COA8: variants seen among roughly 807,000 people sequenced by gnomAD.
COA8 encodes the protein cytochrome c oxidase assembly factor 8.
A neutral mutation model predicts 22.0 loss-of-function variants in COA8; 20 were observed. The ratio of observed to expected loss-of-function variants is 0.91; its 90% CI spans 0.64 to 1.32. The LOEUF (loss-of-function observed/expected upper bound fraction) is 1.32, where lower values mean the gene tolerates loss of function less well. COA8 is among the 40% of genes most tolerant of loss of function. COA8 has a pLI of 0.00. For missense variants in COA8, 266 were observed against 230.0 expected (o/e 1.16, Z -1.01); for synonymous variants, 105 against 79.9 (o/e 1.31, Z -1.68).
At chr14:103,566,726 C>T (rs749671324) in intron 1 of COA8, among the ~76,000 whole-genome samples, 3 of 152,172 alleles carry the variant, frequency 2.0e-5, no homozygotes, top group Non-Finnish European at 2.9e-5. Flanking sequence ...CAGGGGCAGG[C>T]AGGTTGATGC....
intron 3 of COA8, 130 bp downstream of exon 3, chr14:103,574,300 T>C (rs772559167): frequency 7.3e-6 from 9 of 1,229,648 alleles, no homozygotes; most frequent in Admixed American, 3.4e-5. Context: ...GGGGCAGTGC[T>C]CGGCACACCC....
rs10138244 is a variant in COA8, at chr14:103,590,408, C to T, written c.*122C>T. ...AAGCCCCACATCTTCCTAAGGGGCC[C>T]CATGGCCTGTTTGGGGGCAGGGTAG... is the stretch of plus-strand genomic sequence containing the variant. On this transcript the variant is annotated 3_prime_UTR_variant, in exon 5 of 5. Transcript: ENST00000409074. The T allele has an allele frequency of 3.2e-3, 3,003 of 945,590 alleles. 53 individuals carry two copies. In the African/African-American group the frequency reaches 0.04, roughly 12 times the overall value. The allele number at this position is 945,590 out of a possible 1,614,324, so 58.6% of individuals were successfully genotyped here.
chr14:103,565,835 G>C (rs1197429895), intron 1 of COA8, among the ~76,000 whole-genome samples: 1 of 151,738 alleles, frequency 6.6e-6, no homozygotes, highest in Non-Finnish European at 1.5e-5. Flanking sequence ...GGGTGGTCTT[G>C]AACTCCTGAC....
Position 103,590,377 on chromosome 14 carries a change from C to T in COA8, c.*91C>T. The T allele has an allele frequency of 8.0e-7, 1 of 1,248,644 alleles. No individual in the cohort carries two copies. The highest frequency in any genetic ancestry group is 1.1e-6 in the Non-Finnish European group (1 of 887,046). 77.3% of individuals were successfully genotyped at this position (1,248,644 alleles called of 1,614,324 possible). On this transcript the variant is annotated 3_prime_UTR_variant, in exon 5 of 5. Transcript: ENST00000409074. ...GGCTCTGAGAAAAACTGGAGCTGAT[C>T]TCAAGAAGCCCCACATCTTCCTAAG...
chr14:103,582,322 C>T (rs1377809714), intron 3 of COA8, among the ~76,000 whole-genome samples: 3 of 152,114 alleles, frequency 2.0e-5, no homozygotes, highest in Non-Finnish European at 4.4e-5. Flanking sequence ...TACTTCAGGG[C>T]AGCCCTGCCA....
Position 103,572,310 on chromosome 14 carries a change from A to T in COA8, c.321+490A>T, listed in dbSNP as rs566431820. On this transcript the variant is annotated intron_variant, in intron 2 of 4. Coordinates refer to ENST00000409074, the MANE Select transcript of COA8 (RefSeq NM_001370595.2). ...GTTTTAAAAACTAATATGTAACTGT[A>T]TATAAGAAATGGTCATTCGTAGAAC... Among the ~76,000 whole-genome samples the T allele has an allele frequency of 2.6e-5, 4 of 152,320 alleles. No individual in the cohort carries two copies. The East Asian group carries it at 5.8e-4, about 22-fold the overall frequency.
chr14:103,568,450 C>T (rs1419019722), intron 1 of COA8, among the ~76,000 whole-genome samples: 2 of 151,792 alleles, frequency 1.3e-5, no homozygotes, highest in Non-Finnish European at 2.9e-5. Flanking sequence ...TATATACACA[C>T]ACATACATAC....
intron 1 of COA8, among the ~76,000 whole-genome samples, chr14:103,563,913 C>G (rs1035243856): frequency 2.0e-5 from 3 of 152,176 alleles, no homozygotes; most frequent in African/African-American, 4.8e-5. Context: ...AATCCCAGCA[C>G]TTTGGGAGGC....
intron 1 of COA8, among the ~76,000 whole-genome samples, chr14:103,567,034 A>G (rs1192475137): frequency 6.6e-6 from 1 of 152,130 alleles, no homozygotes; most frequent in Admixed American, 6.5e-5. Context: ...CAGCCTCTTT[A>G]GTAGCTGGGG....
intron 1 of COA8, among the ~76,000 whole-genome samples, chr14:103,568,611 ATGTGTG>A (rs200970154): frequency 1.7e-4 from 15 of 90,634 alleles, no homozygotes; most frequent in Non-Finnish European, 3.1e-4. Context: ...GTATATATAT[ATGTGTG>A]TGTGTATATA....
chr14:103,588,262 C>T (rs2076325502), intron 4 of COA8: 1 of 396,274 alleles, frequency 2.5e-6, no homozygotes, highest in South Asian at 1.3e-4. Flanking sequence ...CACCTGGAAT[C>T]CCATGACTTT....
rs186559508 is a variant in COA8 at position 103,571,230 on chromosome 14, G to T, written c.124-393G>T. The stretch of plus-strand genomic sequence containing the variant: ...AAAAATACAAAAAAATTAGCCGGGC[G>T]TGGTGATGGGCGCCTGTAGTCCCAG... On this transcript the variant is annotated intron_variant, in intron 1 of 4. Transcript: ENST00000409074. Among the ~76,000 whole-genome samples the T allele has an allele frequency of 3.4e-4, 51 of 152,190 alleles. No individual in the cohort carries two copies. The East Asian group carries it at 5.8e-3, about 17-fold the overall frequency.
rs71417867 is a variant in COA8, at chr14:103,574,136, A to G, written c.351A>G (p.Leu117=). ...AAGAAGAATTTATTCACTCAAGACT[A>G]AAAACTAAAGGCCTGGGCCTGAGAA... ...KEKEEFIHSR[L]KTKGLGLRTE... is the part of the protein sequence containing the mutation. The change falls in exon 3 of 5, where the codon CTA becomes CTG. Residue 117 remains leucine, a synonymous_variant. Coordinates refer to ENST00000409074, the MANE Select transcript of COA8 (RefSeq NM_001370595.2). 0.018 allele frequency: 28,558 copies of G among 1,605,440 alleles called. 318 individuals are homozygous for G. The highest frequency in any genetic ancestry group is 0.021 in the Non-Finnish European group (24,997 of 1,177,948).
At chr14:103,566,614 C>T (rs1326293868) in intron 1 of COA8, among the ~76,000 whole-genome samples, 2 of 152,194 alleles carry the variant, frequency 1.3e-5, no homozygotes, top group Non-Finnish European at 2.9e-5. Context: ...ATGTGTGTGC[C>T]TCTTTTCACA....
At position 103,571,634 on chromosome 14, in the gene COA8, C is replaced by T. The variant is rs758114950; in HGVS notation, c.135C>T (p.Phe45=). ...RDTAPSGVSR[F]CPPRKSCHDW... is the part of the protein sequence containing the mutation. Reference sequence around the variant, plus strand: ...TTACTTTGTTAAAGGTCTCAAGATTCTGCCCTCCAAGAAAGTCTTGCCATG... The same window carrying T: ...TTACTTTGTTAAAGGTCTCAAGATTTTGCCCTCCAAGAAAGTCTTGCCATG... The change falls in exon 2 of 5, where the codon TTC becomes TTT. Residue 45 remains phenylalanine (F), a synonymous_variant. Coordinates refer to ENST00000409074, the MANE Select transcript of COA8 (RefSeq NM_001370595.2). 1.5e-5 allele frequency: 24 copies of T among 1,613,784 alleles called. No homozygotes were observed. Among genetic ancestry groups the T allele is most frequent in the Non-Finnish European group, 1.9e-5 (23 of 1,179,848 alleles).
rs758429040 is a variant in COA8 at position 103,590,164 on chromosome 14, CCT to C, written c.477-14_477-13del. On this transcript the variant is annotated splice_polypyrimidine_tract_variant and intron_variant, in intron 4 of 4. Coordinates refer to ENST00000409074, the MANE Select transcript of COA8 (RefSeq NM_001370595.2). ...CCCTGCCACCGTGTCACCTGTGCAT[CCT>C]CTGTTTCTCTACAGAGATTGGTACA... The C allele has an allele frequency of 1.2e-6, 2 of 1,606,648 alleles. No individual in the cohort carries two copies. Among genetic ancestry groups the C allele is most frequent in the Admixed American group, 1.7e-5 (1 of 59,858 alleles).
intron 1 of COA8, 102 bp downstream of exon 1, chr14:103,563,226 C>G: frequency 1.4e-6 from 2 of 1,452,296 alleles, no homozygotes; most frequent in Non-Finnish European, 1.9e-6. Flanking sequence ...CGCCTCAGGC[C>G]TTTGTCCAGG....
intron 1 of COA8, among the ~76,000 whole-genome samples, chr14:103,570,249 T>C (rs1267012100): frequency 6.6e-6 from 1 of 152,192 alleles, no homozygotes; most frequent in Non-Finnish European, 1.5e-5. Flanking sequence ...TGTATTGCAA[T>C]CCTGCCTTTA....
intron 3 of COA8, among the ~76,000 whole-genome samples, chr14:103,582,157 G>A (rs935470011): frequency 5.9e-5 from 9 of 152,164 alleles, no homozygotes; most frequent in East Asian, 1.9e-4. Flanking sequence ...AGAGCCCAGC[G>A]CTCTTACAAG....
Sources: gnomAD v4.1 joint callset for allele counts (sites outside exome capture counted in the v4.1 genomes callset) on GRCh38, gnomAD v4.1.1 for gene constraint, MANE v1.5 for transcripts, NCBI Gene and HGNC (gene_info 2026-07-23, HGNC 2026-07-21) for gene names.